Variants in MYL1 observed in about 807,000 individuals in gnomAD.
MYL1 encodes the protein myosin light chain 1.
In MYL1, 16 loss-of-function variants were observed where a neutral mutation model predicts 21.8. The ratio of observed to expected loss-of-function variants is 0.74; its 90% CI spans 0.50 to 1.12. The LOEUF is 1.12. Ranked by LOEUF, MYL1 falls within the 50% of genes most tolerant of loss-of-function variation. MYL1 has a pLI of 0.00. For missense variants in MYL1, 246 were observed against 241.0 expected (o/e 1.02, Z -0.14); for synonymous variants, 99 against 85.2 (o/e 1.16, Z -0.89).
Position 210,294,370 on chromosome 2 carries a change from T to A in MYL1, c.353A>T (p.Gln118Leu). Reference protein sequence around the residue: ...IEFEQFLPMMQAISNNKDQAT... With the variant: ...IEFEQFLPMMLAISNNKDQAT... ...CTGGTCCTTGTTGTTGGAAATGGCT[T>A]GCATCATAGGCAGAAATTGTTCAAA... Residue 118 changes from glutamine (Q) to leucine (L), a missense_variant, in exon 4 of 7, where the codon CAA (glutamine) becomes CTA (leucine). Gln to Leu is a moderately radical substitution (Grantham distance 113). Coordinates refer to ENST00000352451, the MANE Select transcript of MYL1 (RefSeq NM_079420.3). The A allele has an allele frequency of 6.2e-7, 1 of 1,614,074 alleles. No homozygotes were observed. Among genetic ancestry groups the A allele is most frequent in the Non-Finnish European group, 8.5e-7 (1 of 1,179,934 alleles).
rs547043178 is a variant in MYL1, at chr2:210,297,756, T to G, written c.304+664A>C. Among the ~76,000 whole-genome samples the G allele has an allele frequency of 3.2e-4, 48 of 152,016 alleles. 1 individual carries two copies. Among genetic ancestry groups the G allele is most frequent in the Admixed American group, 2.6e-4 (4 of 15,288 alleles). On this transcript the variant is annotated intron_variant, in intron 3 of 6. Transcript: ENST00000352451. ...TTTGCCACTAACATTTATCACTGATTTTTTTCCTAGGATTATCCTTGTGCT... is the reference window on the plus strand; with the variant it reads ...TTTGCCACTAACATTTATCACTGATGTTTTTCCTAGGATTATCCTTGTGCT...
chr2:210,293,542 A>G (rs1003049011), intron 5 of MYL1, among the ~76,000 whole-genome samples, 181 bp downstream of exon 5: 3 of 152,258 alleles, frequency 2.0e-5, no homozygotes, highest in Non-Finnish European at 4.4e-5. Flanking sequence ...CAGTATTGCT[A>G]AAACACACTG....
At chr2:210,304,169 A>G (rs1004296644) in intron 1 of MYL1, among the ~76,000 whole-genome samples, 6 of 152,152 alleles carry the variant, frequency 3.9e-5, no homozygotes, top group African/African-American at 1.4e-4. Context: ...AGGTCTTTCA[A>G]TCTCCAATTA....
rs190089596 is a variant in MYL1 at position 210,291,435 on chromosome 2, A to C, written c.557-361T>G. Among the ~76,000 whole-genome samples the C allele has an allele frequency of 6.9e-4, 105 of 152,254 alleles. 2 individuals are homozygous for C. The highest frequency in any genetic ancestry group is 6.9e-3 in the Admixed American group (105 of 15,268). On this transcript the variant is annotated intron_variant, in intron 5 of 6. Transcript: ENST00000352451. ...ATGTCACTGTGCCCAGCTATGGTTA[A>C]AATATTTTCTTTAACGTATGAAAGG...
At position 210,302,992 on chromosome 2, in the gene MYL1, A is replaced by G. The variant is rs1690288113; in HGVS notation, c.133-477T>C. The G allele has an allele frequency of 8.5e-6, 5 of 586,808 alleles. No individual in the cohort carries two copies. In the East Asian group the frequency reaches 1.4e-4, roughly 17 times the overall value. The allele number at this position is 586,808 out of a possible 1,614,324, so 36.4% of individuals were successfully genotyped here. A position where few individuals can be genotyped will look rare whatever the true frequency, so the allele number is the denominator to read the frequency against. On this transcript the variant is annotated intron_variant, in intron 1 of 6. Coordinates refer to ENST00000352451, the MANE Select transcript of MYL1 (RefSeq NM_079420.3). ...AGATAATTAGGGAATATCTTTCTGC[A>G]TCTTAATGATTTAACTAAATGCTAC...
At chr2:210,292,283 G>T (rs963679372) in intron 5 of MYL1, among the ~76,000 whole-genome samples, 1 of 152,072 alleles carries the variant, frequency 6.6e-6, no homozygotes, top group Admixed American at 6.6e-5. Flanking sequence ...ATGCTGGCCA[G>T]TCTGGTCTGG....
chr2:210,308,399 AATATATATATATATATATATATATATAT>A (rs71043988), intron 1 of MYL1, among the ~76,000 whole-genome samples: 16 of 84,772 alleles, frequency 1.9e-4, no homozygotes, highest in East Asian at 1.8e-3. Context: ...TACTTAGGCT[AATATATATATATATATATATATATATAT>A]ATATATATAT....
chr2:210,306,053 T>A (rs1187625827), intron 1 of MYL1, among the ~76,000 whole-genome samples: 2 of 134,522 alleles, frequency 1.5e-5, no homozygotes, highest in Non-Finnish European at 3.1e-5. Context: ...AGAATGAAAC[T>A]CCCTCACAAA....
At chr2:210,302,679 TA>T in intron 1 of MYL1, 164 bp from the exon 2 acceptor site, 1 of 1,523,120 alleles carries the variant, frequency 6.6e-7, no homozygotes, top group Non-Finnish European at 8.9e-7. Flanking sequence ...GGTTAAGCCA[TA>T]GTGTAACATG....
intron 1 of MYL1, 152 bp downstream of exon 1, chr2:210,314,759 A>AT: frequency 2.2e-6 from 2 of 895,672 alleles, no homozygotes; most frequent in Non-Finnish European, 3.5e-6. Flanking sequence ...GCTGGCATTC[A>AT]TTTTTTAAAG....
At position 210,303,189 on chromosome 2, in the gene MYL1, C is replaced by T. The variant is rs551842551; in HGVS notation, c.133-674G>A. Among the ~76,000 whole-genome samples, 5 of 152,238 alleles carry T rather than the reference C, an allele frequency of 3.3e-5. No individual in the cohort carries two copies. In the South Asian group the frequency reaches 1.0e-3, roughly 32 times the overall value. On this transcript the variant is annotated intron_variant, in intron 1 of 6. Transcript: ENST00000352451. ...AACCCAATGCATCAAAAGCAGTTTACTTAGTTTTAGCTATCAGCATCACTG... is the reference window on the plus strand; with the variant it reads ...AACCCAATGCATCAAAAGCAGTTTATTTAGTTTTAGCTATCAGCATCACTG...
intron 5 of MYL1, among the ~76,000 whole-genome samples, chr2:210,291,798 T>G (rs551124991): frequency 6.6e-6 from 1 of 152,298 alleles, no homozygotes; most frequent in East Asian, 1.9e-4. Context: ...TTAAAAAAAT[T>G]TGGCAGTTAT....
At chr2:210,301,072 C>A (rs1380852966) in intron 2 of MYL1, among the ~76,000 whole-genome samples, 1 of 152,046 alleles carries the variant, frequency 6.6e-6, no homozygotes, top group East Asian at 1.9e-4. Flanking sequence ...TGAGTCCTTG[C>A]AAGGGTTTTT....
At chr2:210,300,044 C>A (rs1475552048) in intron 2 of MYL1, among the ~76,000 whole-genome samples, 1 of 127,546 alleles carries the variant, frequency 7.8e-6, no homozygotes, top group Non-Finnish European at 1.7e-5. Flanking sequence ...CAGATCAATT[C>A]CCTAAGCTAA....
At chr2:210,302,537 C>A in intron 1 of MYL1, 22 bp from the exon 2 acceptor site, 1 of 1,606,438 alleles carries the variant, frequency 6.2e-7, no homozygotes, top group Non-Finnish European at 8.5e-7. Context: ...AAATTGACCA[C>A]AAAGAATGTT....
At chr2:210,294,195 C>T (rs760021477) in intron 4 of MYL1, 50 bp downstream of exon 4, 2 of 1,495,912 alleles carry the variant, frequency 1.3e-6, no homozygotes, top group Non-Finnish European at 1.8e-6. Flanking sequence ...CTGTCATGTT[C>T]TTTTCTATAT....
chr2:210,302,354 G>T, intron 2 of MYL1, 134 bp downstream of exon 2: 1 of 718,060 alleles, frequency 1.4e-6, no homozygotes, highest in South Asian at 2.8e-5. Context: ...GAGTGATCGA[G>T]AGCAATTTAT....
intron 2 of MYL1, among the ~76,000 whole-genome samples, chr2:210,301,459 AG>A (rs1690264143): frequency 1.3e-5 from 2 of 152,114 alleles, no homozygotes; most frequent in Admixed American, 1.3e-4. Context: ...TAGAGAACTG[AG>A]TATTTGAATA....
intron 3 of MYL1, among the ~76,000 whole-genome samples, chr2:210,297,341 T>G (rs1336602790): frequency 6.6e-6 from 1 of 152,100 alleles, no homozygotes; most frequent in Non-Finnish European, 1.5e-5. Flanking sequence ...TTTTGTCTTT[T>G]TAATAATGAC....
Sources: allele counts gnomAD v4.1 joint callset (sites outside exome capture counted in the v4.1 genomes callset), GRCh38; gene constraint gnomAD v4.1.1; transcripts MANE v1.5; gene names NCBI Gene and HGNC (gene_info 2026-07-23, HGNC 2026-07-21).